The following MYO3B variants were observed in gnomAD, a reference collection of about 807,000 sequenced individuals.
The protein encoded by MYO3B is myosin-IIIb.
In MYO3B, 156 loss-of-function variants were observed where a neutral mutation model predicts 174.6. That is an observed-to-expected ratio of 0.89 (90% CI 0.78 to 1.02). MYO3B has a LOEUF of 1.02. MYO3B is among the 50% of genes least tolerant of loss of function. The pLI is 0.00. For synonymous variants in MYO3B, 563 were observed against 569.1 expected (o/e 0.99, Z 0.15); for missense variants, 1,632 against 1,639.4 (o/e 1.00, Z 0.08).
intron 25 of MYO3B, among the ~76,000 whole-genome samples, chr2:170,481,169 C>T (rs1685664505): frequency 1.3e-5 from 2 of 152,202 alleles, no homozygotes; most frequent in Admixed American, 1.3e-4. Context: ...AAACACAAAT[C>T]CTCCAGGACA....
intron 8 of MYO3B, among the ~76,000 whole-genome samples, chr2:170,339,976 T>G (rs1053103921): frequency 2.6e-5 from 4 of 152,218 alleles, no homozygotes; most frequent in Admixed American, 2.6e-4. Flanking sequence ...GCTATTTGCA[T>G]AACAAGTTTA....
chr2:170,259,541 A>G (rs528175831), intron 7 of MYO3B, among the ~76,000 whole-genome samples: 21 of 152,208 alleles, frequency 1.4e-4, no homozygotes, highest in Non-Finnish European at 2.6e-4. Flanking sequence ...ACCTATTACC[A>G]TATACAAAAA....
chr2:170,428,273 A>G (rs2094681121), intron 22 of MYO3B, among the ~76,000 whole-genome samples: 1 of 152,344 alleles, frequency 6.6e-6, no homozygotes. Context: ...AGCTTCCTCC[A>G]TTTATCTAAG....
intron 32 of MYO3B, among the ~76,000 whole-genome samples, chr2:170,637,571 A>T (rs1697626884): frequency 6.6e-6 from 1 of 151,774 alleles, no homozygotes; most frequent in Non-Finnish European, 1.5e-5. Context: ...ATCTCTTGCA[A>T]CCTCCTCAGG....
In MYO3B at chr2:170,254,295, G is replaced by T. The variant is rs62172040; in HGVS notation, c.749+18159G>T. Among the ~76,000 whole-genome samples the T allele has an allele frequency of 2.0e-5, 3 of 152,262 alleles. No homozygotes were observed. The South Asian group carries it at 6.2e-4, about 32-fold the overall frequency. ...CTAGAACCTGCATGGCGCCCAGAAG[G>T]TTACACTCATGTGGGGCAGCTGCAG... On this transcript the variant is annotated intron_variant, in intron 7 of 34. Coordinates refer to ENST00000408978, the MANE Select transcript of MYO3B (RefSeq NM_138995.5).
intron 32 of MYO3B, among the ~76,000 whole-genome samples, chr2:170,630,857 T>C (rs960888226): frequency 3.9e-5 from 6 of 152,106 alleles, no homozygotes; most frequent in African/African-American, 1.4e-4. Context: ...AGGAGTAGCA[T>C]CAATATCAAC....
At chr2:170,340,323 A>G (rs2093969242) in intron 8 of MYO3B, 1 of 152,214 alleles carries the variant, frequency 6.6e-6, no homozygotes, top group Non-Finnish European at 1.5e-5. Context: ...GTCAAGGGCA[A>G]TTCCACCAAT....
intron 7 of MYO3B, among the ~76,000 whole-genome samples, chr2:170,262,461 TA>T (rs1284880074): frequency 6.6e-6 from 1 of 151,934 alleles, no homozygotes; most frequent in Non-Finnish European, 1.5e-5. Context: ...CTAGAGACAG[TA>T]AGGATGAGTT....
At chr2:170,469,804 T>A (rs1684860041) in intron 25 of MYO3B, among the ~76,000 whole-genome samples, 1 of 152,140 alleles carries the variant, frequency 6.6e-6, no homozygotes, top group Non-Finnish European at 1.5e-5. Flanking sequence ...AAGTCATCTT[T>A]TGAAAGTATA....
chr2:170,345,851 G>A (rs1232689893), intron 8 of MYO3B, among the ~76,000 whole-genome samples: 2 of 151,402 alleles, frequency 1.3e-5, no homozygotes, highest in Non-Finnish European at 2.9e-5. Context: ...ATAAGATCAT[G>A]TGAAGACTGG....
intron 7 of MYO3B, among the ~76,000 whole-genome samples, chr2:170,329,163 A>ATAT (rs1553466655): frequency 7.9e-5 from 12 of 151,810 alleles, no homozygotes; most frequent in Non-Finnish European, 1.6e-4. Flanking sequence ...AAAAAAAAAA[A>ATAT]TACTACTACT....
At chr2:170,578,874 A>C (rs1692959907) in intron 32 of MYO3B, among the ~76,000 whole-genome samples, 1 of 152,200 alleles carries the variant, frequency 6.6e-6, no homozygotes, top group African/African-American at 2.4e-5. Context: ...GTAGCTCCAA[A>C]GCGCTTAGCA....
intron 8 of MYO3B, among the ~76,000 whole-genome samples, chr2:170,359,966 A>G (rs1574848067): frequency 6.6e-6 from 1 of 152,290 alleles, no homozygotes; most frequent in South Asian, 2.1e-4. Context: ...AATGAAATCA[A>G]TCTCATCTGA....
At chr2:170,342,003 G>A (rs1051512482) in intron 8 of MYO3B, 2 of 152,182 alleles carry the variant, frequency 1.3e-5, no homozygotes, top group Non-Finnish European at 2.9e-5. Context: ...AATATACTAG[G>A]AATATATCCT....
At chr2:170,225,849 T>G (rs899413557) in intron 6 of MYO3B, among the ~76,000 whole-genome samples, 8 of 152,198 alleles carry the variant, frequency 5.3e-5, no homozygotes, top group African/African-American at 1.9e-4. Flanking sequence ...GTACTGCAAC[T>G]GTTCAGGGCA....
chr2:170,353,027 C>T (rs1341308588), intron 8 of MYO3B, among the ~76,000 whole-genome samples: 3 of 152,166 alleles, frequency 2.0e-5, no homozygotes, highest in Non-Finnish European at 4.4e-5. Flanking sequence ...CATATGCTTA[C>T]CGTAGGGTCT....
chr2:170,616,240 A>C (rs56692217), intron 32 of MYO3B, among the ~76,000 whole-genome samples: 14,181 of 152,172 alleles, frequency 0.093, 2,186 homozygotes, highest in African/African-American at 0.32. Flanking sequence ...GAGGGCGTTT[A>C]TAGCCCTATC....
At chr2:170,613,121 C>T (rs1322608935) in intron 32 of MYO3B, among the ~76,000 whole-genome samples, 1 of 152,194 alleles carries the variant, frequency 6.6e-6, no homozygotes, top group Non-Finnish European at 1.5e-5. Flanking sequence ...CCCAGCTACC[C>T]TCCAGCTTTC....
chr2:170,654,897 CA>C lies in MYO3B; in HGVS notation c.*1777del, dbSNP rs545995174. The C allele has an allele frequency of 2.0e-5, 3 of 151,464 alleles. No individual in the cohort carries two copies. The South Asian group carries it at 6.3e-4, about 32-fold the overall frequency. The allele number at this position is 151,464 out of a possible 1,614,324, so 9.4% of individuals were successfully genotyped here. Reference sequence around the variant, plus strand: ...CAAAAGGTAATGTTTATAAGTAGAGCAGAAAAAATGCAGATAAATTTTATTT... The same window carrying C: ...CAAAAGGTAATGTTTATAAGTAGAGCGAAAAAATGCAGATAAATTTTATTT... On this transcript the variant is annotated 3_prime_UTR_variant, in exon 35 of 35. Coordinates refer to ENST00000408978, the MANE Select transcript of MYO3B (RefSeq NM_138995.5).
Sources: allele counts gnomAD v4.1 joint callset (sites outside exome capture counted in the v4.1 genomes callset), GRCh38; gene constraint gnomAD v4.1.1; transcripts MANE v1.5; gene names NCBI Gene and HGNC (gene_info 2026-07-23, HGNC 2026-07-21).